SVEP1: variants seen among roughly 807,000 people sequenced by gnomAD.
SVEP1 encodes the protein sushi, von Willebrand factor type A, EGF and pentraxin domain containing 1.
Under a neutral mutation model 367.3 loss-of-function variants are expected in SVEP1, and 164 were observed. The observed-to-expected ratio is 0.45, with a 90% CI of 0.39 to 0.51. SVEP1 has a LOEUF of 0.51. Ranked by LOEUF, SVEP1 falls within the 20% of genes least tolerant of loss-of-function variation. SVEP1 has a pLI of 0.00. For synonymous variants in SVEP1, 1,666 were observed against 1,611.6 expected (o/e 1.03, Z -0.81); for missense variants, 4,117 against 4,425.3 (o/e 0.93, Z 1.98).
chr9:110,528,156 G>GTGTGTGTATATATATATATATATATA, intron 3 of SVEP1, among the ~76,000 whole-genome samples: 2 of 33,950 alleles, frequency 5.9e-5, no homozygotes, highest in Non-Finnish European at 1.1e-4. Flanking sequence ...GTGTGTGTGT[G>GTGTGTGTATATATATATATATATATA]TATATATATA....
chr9:110,412,317 A>C (rs1828056076), intron 36 of SVEP1, among the ~76,000 whole-genome samples: 1 of 152,164 alleles, frequency 6.6e-6, no homozygotes. Context: ...GAGAACTTTA[A>C]AACAGTGATT....
Position 110,496,844 on chromosome 9 carries a change from G to T in SVEP1, c.1771C>A (p.Pro591Thr). ...TCACCAGAGTTGTCTTTAGCTGTTGGAATCTGCCAGGTAACATTGGCAGAA... is the reference window on the plus strand; with the variant it reads ...TCACCAGAGTTGTCTTTAGCTGTTGTAATCTGCCAGGTAACATTGGCAGAA... ...QDSANVTWQI[P>T]TAKDNSGEKV... Residue 591 changes from proline (P) to threonine (T), a missense_variant, in exon 8 of 48, where the codon CCA (proline) becomes ACA (threonine). Coordinates refer to ENST00000374469, the MANE Select transcript of SVEP1 (RefSeq NM_153366.4). The T allele has an allele frequency of 6.4e-7, 1 of 1,557,378 alleles. No individual in the cohort carries two copies.
intron 3 of SVEP1, among the ~76,000 whole-genome samples, chr9:110,528,240 T>C (rs1487098357): frequency 2.7e-5 from 4 of 146,534 alleles, no homozygotes; most frequent in African/African-American, 1.0e-4. Flanking sequence ...GTTGATTCTG[T>C]ATCTTTGCAA....
intron 4 of SVEP1, among the ~76,000 whole-genome samples, chr9:110,513,328 ATAT>A (rs1829753550): frequency 6.6e-6 from 1 of 152,192 alleles, no homozygotes; most frequent in Non-Finnish European, 1.5e-5. Flanking sequence ...TACAAACTAA[ATAT>A]TATTTGTTAA....
chr9:110,385,875 C>T, intron 43 of SVEP1, 23 bp downstream of exon 43: 2 of 1,605,406 alleles, frequency 1.2e-6, no homozygotes, highest in Non-Finnish European at 1.7e-6. Flanking sequence ...GCGGCATGAA[C>T]TGGCTTCCGC....
At chr9:110,432,974 C>A (rs4978926) in intron 30 of SVEP1, among the ~76,000 whole-genome samples, 22,765 of 152,068 alleles carry the variant, frequency 0.15, 2,271 homozygotes, top group East Asian at 0.43. Flanking sequence ...GGGGCAGATC[C>A]CTCATGGCTT....
At position 110,406,263 on chromosome 9, in the gene SVEP1, G is replaced by T. The variant is rs756672267; in HGVS notation, c.9337C>A (p.Pro3113Thr). The T allele has an allele frequency of 3.1e-6, 5 of 1,614,066 alleles. No individual in the cohort carries two copies. In the South Asian group the frequency reaches 4.4e-5, roughly 14 times the overall value. Residue 3113 changes from proline (P) to threonine (T), a missense_variant, in exon 38 of 48, where the codon CCT (proline) becomes ACT (threonine). Pro to Thr is a conservative substitution (Grantham distance 38). Transcript: ENST00000374469. ...GACAAGGGCTCACAGACTGGATAAGGCTGGCTCCATACCCCTTTCTCTGTA... is the reference window on the plus strand; with the variant it reads ...GACAAGGGCTCACAGACTGGATAAGTCTGGCTCCATACCCCTTTCTCTGTA... Reference protein sequence around the residue: ...ICTEKGVWSQPYPVCEPLSCG... With the variant: ...ICTEKGVWSQTYPVCEPLSCG...
At chr9:110,480,547 G>C (rs1829168964) in intron 12 of SVEP1, among the ~76,000 whole-genome samples, 1 of 152,134 alleles carries the variant, frequency 6.6e-6, no homozygotes, top group African/African-American at 2.4e-5. Flanking sequence ...AATCAAATAT[G>C]AAGAGACTAT....
At chr9:110,430,147 T>C (rs3739450) in intron 33 of SVEP1, 127 bp downstream of exon 33, 314,668 of 1,185,080 alleles carry the variant, frequency 0.27, 43,849 homozygotes, top group East Asian at 0.4. Context: ...GGGTCATGTT[T>C]AAACATGAGC....
At chr9:110,372,266 C>A (rs1827289714) in intron 46 of SVEP1, among the ~76,000 whole-genome samples, 2 of 152,196 alleles carry the variant, frequency 1.3e-5, no homozygotes, top group Admixed American at 1.3e-4. Flanking sequence ...CATAGCCCCT[C>A]TTATAGATTT....
intron 18 of SVEP1, among the ~76,000 whole-genome samples, chr9:110,464,336 C>T (rs1217558775): frequency 6.6e-6 from 1 of 152,172 alleles, no homozygotes; most frequent in Non-Finnish European, 1.5e-5. Context: ...ATTACTTGCC[C>T]AATGCCTCAG....
chr9:110,432,750 A>G, intron 30 of SVEP1, 115 bp from the exon 31 acceptor site: 1 of 1,250,878 alleles, frequency 8.0e-7, no homozygotes, highest in South Asian at 1.5e-5. Flanking sequence ...GAATGCAAAC[A>G]TCAGACTGAG....
chr9:110,469,310 A>G (rs1828982988), intron 16 of SVEP1, among the ~76,000 whole-genome samples: 1 of 152,216 alleles, frequency 6.6e-6, no homozygotes, highest in Admixed American at 6.5e-5. Context: ...TTATTTTTTA[A>G]AGATAAAGCA....
At chr9:110,555,321 T>C (rs1588106895) in intron 1 of SVEP1, among the ~76,000 whole-genome samples, 2 of 152,078 alleles carry the variant, frequency 1.3e-5, no homozygotes, top group South Asian at 4.1e-4. Flanking sequence ...AATGAATGAA[T>C]GAATGAGTGC....
chr9:110,402,775 A>G (rs953104611), intron 39 of SVEP1, among the ~76,000 whole-genome samples: 22 of 152,174 alleles, frequency 1.4e-4, no homozygotes, highest in Non-Finnish European at 3.1e-4. Context: ...CTTCAGCTCT[A>G]TATCTAAAAG....
In SVEP1 at chr9:110,408,722, C is replaced by A. The variant is rs201910574; in HGVS notation, c.6878G>T (p.Gly2293Val). ...GSKVQFFCNE[G>V]YELVGDSSWT... ...AGAACTGTCACCAACAAGCTCATAA[C>A]CCTCATTACAGAAAAACTGAACCTT... The change falls in exon 38 of 48, where the codon GGT becomes GTT. Residue 2293 changes from glycine (G) to valine (V), a missense_variant. Transcript: ENST00000374469. 18 of 1,613,830 alleles carry A rather than the reference C, an allele frequency of 1.1e-5. No homozygotes were observed. The highest frequency in any genetic ancestry group is 2.7e-5 in the African/African-American group (2 of 74,926).
At position 110,468,556 on chromosome 9, in the gene SVEP1, G is replaced by T. The variant is rs528181200; in HGVS notation, c.3160+384C>A. Reference sequence around the variant, plus strand: ...GAAGCAGACTGTAAAACCCTCATGTGAGAAATGCCCACCCTATACTCAGAG... The same window carrying T: ...GAAGCAGACTGTAAAACCCTCATGTTAGAAATGCCCACCCTATACTCAGAG... On this transcript the variant is annotated intron_variant, in intron 17 of 47. Transcript: ENST00000374469. 2.0e-5 allele frequency among the ~76,000 whole-genome samples: 3 copies of T among 152,292 alleles called. No individual in the cohort carries two copies. In the East Asian group the frequency reaches 5.8e-4, roughly 29 times the overall value.
intron 36 of SVEP1, among the ~76,000 whole-genome samples, chr9:110,414,737 C>G (rs1828092511): frequency 6.6e-6 from 1 of 151,738 alleles, no homozygotes; most frequent in Non-Finnish European, 1.5e-5. Context: ...CTCCCAAATG[C>G]ATTATTAGCT....
intron 41 of SVEP1, 87 bp from the exon 42 acceptor site, chr9:110,387,545 G>A: frequency 7.4e-7 from 1 of 1,357,906 alleles, no homozygotes; most frequent in Non-Finnish European, 9.8e-7. Flanking sequence ...ATATTTCATG[G>A]AATATATAAA....
Sources: allele counts gnomAD v4.1 joint callset (sites outside exome capture counted in the v4.1 genomes callset), GRCh38; gene constraint gnomAD v4.1.1; transcripts MANE v1.5; gene names NCBI Gene and HGNC (gene_info 2026-07-23, HGNC 2026-07-21).